PPRC1: variants seen among roughly 807,000 people sequenced by gnomAD.
PPRC1 encodes PPARG related coactivator 1, also known as peroxisome proliferator-activated receptor gamma coactivator-related protein 1.
In PPRC1, 23 loss-of-function variants were observed where a neutral mutation model predicts 132.5. The ratio of observed to expected loss-of-function variants is 0.17; its 90% CI spans 0.12 to 0.25. PPRC1 has a LOEUF of 0.25. Ranked by LOEUF, PPRC1 falls within the 10% of genes least tolerant of loss-of-function variation. The pLI is 1.00. For synonymous variants in PPRC1, 872 were observed against 833.5 expected, an observed-to-expected ratio of 1.05 and a Z score of -0.80; for missense variants, 2,006 against 2,089.1, an observed-to-expected ratio of 0.96 and a Z score of 0.78.
chr10:102,140,309 C>G lies in PPRC1; in HGVS notation c.1801C>G (p.Leu601Val), dbSNP rs770624068. The change falls in exon 5 of 14, where the codon CTA becomes GTA. Residue 601 changes from leucine to valine, a missense_variant. By Grantham distance (32) the Leu-to-Val change is conservative. This residue lies in a region of PPRC1 where 1,914 missense variants were observed against 1,917.2 expected (regional missense o/e 1.00). Coordinates refer to ENST00000278070, the MANE Select transcript of PPRC1 (RefSeq NM_015062.5). ...EADPTAVGPVLAGPVPVDPGL... is the reference protein window; with the variant it reads ...EADPTAVGPVVAGPVPVDPGL... Reference sequence around the variant, plus strand: ...TGATCCCACTGCAGTTGGCCCTGTTCTAGCTGGCCCTGTACCTGTTGACCC... The same window carrying G: ...TGATCCCACTGCAGTTGGCCCTGTTGTAGCTGGCCCTGTACCTGTTGACCC... 3 of 1,614,190 alleles carry G rather than the reference C, an allele frequency of 1.9e-6. No homozygotes were observed. The highest frequency in any genetic ancestry group is 1.7e-6 in the Non-Finnish European group (2 of 1,180,004).
rs1485873961 is a variant in PPRC1 at position 102,148,685 on chromosome 10, G to A, written c.4608G>A (p.Glu1536=). 1.2e-6 allele frequency: 2 copies of A among 1,614,216 alleles called. No individual in the cohort carries two copies. The highest frequency in any genetic ancestry group is 3.3e-5 in the Admixed American group (2 of 60,032). ...HYQRQRVLQK[E]RAIEERRVVF... is the part of the protein sequence containing the mutation. Reference sequence around the variant, plus strand: ...AAAGGCAAAGAGTGCTACAAAAGGAGCGTGCAATAGTGAGTAGAGGAACAG... The same window carrying A: ...AAAGGCAAAGAGTGCTACAAAAGGAACGTGCAATAGTGAGTAGAGGAACAG... The change falls in exon 11 of 14, where the codon GAG becomes GAA. Residue 1536 remains glutamate, a synonymous_variant. Transcript: ENST00000278070. This position sits in a 1 kb window ranked among gnomAD's most constrained non-coding sequence, Gnocchi z 4.2.
At chr10:102,135,374 T>A (rs553327280) in intron 1 of PPRC1, among the ~76,000 whole-genome samples, 3 of 152,076 alleles carry the variant, frequency 2.0e-5, no homozygotes, top group East Asian at 3.9e-4. Context: ...ATATATATAT[T>A]TTGTTGTTTT....
At chr10:102,134,053 G>T (rs1334806003) in intron 1 of PPRC1, among the ~76,000 whole-genome samples, 2 of 152,026 alleles carry the variant, frequency 1.3e-5, no homozygotes, top group African/African-American at 4.8e-5. Context: ...GCTTCCGTCT[G>T]ACCGGCTTGG....
intron 8 of PPRC1, 28 bp from the exon 9 acceptor site, chr10:102,146,644 C>G (rs771312660): frequency 1.3e-6 from 2 of 1,579,820 alleles, no homozygotes; most frequent in Non-Finnish European, 1.7e-6. Flanking sequence ...TCTCATCCTG[C>G]TATCTCCATC....
intron 7 of PPRC1, 91 bp from the exon 8 acceptor site, chr10:102,144,929 C>A: frequency 1.9e-6 from 2 of 1,042,196 alleles, no homozygotes; most frequent in Admixed American, 2.0e-5. Context: ...CTTCTCTGCA[C>A]CCACCCCCTC....
intron 7 of PPRC1, 177 bp from the exon 8 acceptor site, chr10:102,144,843 G>A: frequency 3.3e-6 from 2 of 609,518 alleles, no homozygotes; most frequent in South Asian, 4.1e-5. Context: ...GCTCAGTTGA[G>A]ATCCAATTTG....
chr10:102,137,414 G>A (rs2133614215), intron 1 of PPRC1, among the ~76,000 whole-genome samples: 1 of 152,234 alleles, frequency 6.6e-6, no homozygotes, highest in Admixed American at 6.5e-5. Context: ...TCTTGAAGAA[G>A]GTAGGATTTG....
At chr10:102,133,806 C>T (rs1443606051) in intron 1 of PPRC1, among the ~76,000 whole-genome samples, 1 of 151,908 alleles carries the variant, frequency 6.6e-6, no homozygotes, top group East Asian at 1.9e-4. Flanking sequence ...GTCCCGCCAT[C>T]TCCTGCCGGG....
chr10:102,134,820 C>G (rs1158946356), intron 1 of PPRC1, among the ~76,000 whole-genome samples: 1 of 152,186 alleles, frequency 6.6e-6, no homozygotes, highest in Non-Finnish European at 1.5e-5. Context: ...CACACCTGAC[C>G]TCACCCATCA....
In PPRC1 at chr10:102,141,780, C is replaced by T; in HGVS notation, c.3272C>T (p.Thr1091Ile). 1.2e-6 allele frequency: 2 copies of T among 1,613,884 alleles called. No individual in the cohort carries two copies. The highest frequency in any genetic ancestry group is 1.7e-6 in the Non-Finnish European group (2 of 1,179,882). ...GCATGTGTGTCTGCTGAAGGTGTGA[C>T]TGTTGAGGAGCCTGCATCAGAGAGG... ...ALACVSAEGV[T>I]VEEPASERLK... Residue 1091 changes from threonine (T) to isoleucine (I), a missense_variant, in exon 5 of 14, where the codon ACT becomes ATT. Physicochemically the swap from Thr to Ile is moderately conservative, Grantham distance 89. This residue lies in a region of PPRC1 where 1,914 missense variants were observed against 1,917.2 expected (regional missense o/e 1.00). Coordinates refer to ENST00000278070, the MANE Select transcript of PPRC1 (RefSeq NM_015062.5).
the PPRC1 span, chr10:102,120,118 T>C: frequency 7.4e-7 from 1 of 1,347,862 alleles, no homozygotes. Flanking sequence ...CATCTTCACA[T>C]CGCCCGCCTC....
chr10:102,127,055 A>T, the PPRC1 span, among the ~76,000 whole-genome samples: 1 of 59,896 alleles, frequency 1.7e-5, no homozygotes, highest in African/African-American at 3.7e-5. Flanking sequence ...ATATATATAT[A>T]TATATATATA....
At chr10:102,142,309 G>T in intron 5 of PPRC1, among the ~76,000 whole-genome samples, 1 of 148,580 alleles carries the variant, frequency 6.7e-6, no homozygotes, top group Non-Finnish European at 1.5e-5. Flanking sequence ...CACTATGTTG[G>T]CCAGGTTGGT....
chr10:102,139,436 C>T lies in PPRC1; in HGVS notation c.928C>T (p.Arg310Trp), dbSNP rs1479759686. 11 of 1,613,916 alleles carry T rather than the reference C, an allele frequency of 6.8e-6. No individual in the cohort carries two copies. The highest frequency in any genetic ancestry group is 2.7e-5 in the African/African-American group (2 of 74,918). The change falls in exon 5 of 14, where the codon CGG (arginine) becomes TGG (tryptophan). Residue 310 changes from arginine (R) to tryptophan (W), a missense_variant. Transcript: ENST00000278070. ...CATCTCCTCCCTGAGTGAGCTGGTG[C>T]GGGCCATGCACCCATACTGCCTGCC... is the stretch of plus-strand genomic sequence containing the variant. ...ESISSLSELV[R>W]AMHPYCLPNL...
In PPRC1 at chr10:102,144,168, T is replaced by C; in HGVS notation, c.3551-82T>C. 2.2e-6 allele frequency: 3 copies of C among 1,384,570 alleles called. No individual in the cohort carries two copies. The East Asian group carries it at 6.9e-5, about 32-fold the overall frequency. 85.8% of individuals were successfully genotyped at this position (1,384,570 alleles called of 1,614,324 possible). On this transcript the variant is annotated intron_variant, in intron 6 of 13. Transcript: ENST00000278070. Reference sequence around the variant, plus strand: ...TGTAGGCAAAGTGGATTTTCCTCCTTTGGGTCTCAAAGCAAGCCCTTCTGT... The same window carrying C: ...TGTAGGCAAAGTGGATTTTCCTCCTCTGGGTCTCAAAGCAAGCCCTTCTGT...
In PPRC1 at chr10:102,148,099, C is replaced by G. The variant is rs2069343461; in HGVS notation, c.4401-273C>G. 6.6e-6 allele frequency among the ~76,000 whole-genome samples: 1 copy of G among 152,140 alleles called. No individual in the cohort carries two copies. Among genetic ancestry groups the G allele is most frequent in the Non-Finnish European group, 1.5e-5 (1 of 68,026 alleles). On this transcript the variant is annotated intron_variant, in intron 9 of 13. Coordinates refer to ENST00000278070, the MANE Select transcript of PPRC1 (RefSeq NM_015062.5). This position sits in a 1 kb window ranked among gnomAD's most constrained non-coding sequence, Gnocchi z 4.2. ...TCTCCATTTATTGTTCTTCCTCTTT[C>G]TGATTTGTTAAATATTTTTCAATTT...
rs764408527 is a variant in PPRC1 at position 102,148,545 on chromosome 10, C to T, written c.4550+24C>T. On this transcript the variant is annotated intron_variant, in intron 10 of 13. Transcript: ENST00000278070. This position sits in a 1 kb window ranked among gnomAD's most constrained non-coding sequence, Gnocchi z 4.2. ...CGGTGAGCATGTGTTCAGGGAGCGC[C>T]ATGCACCTGGGATGCAGGTGCCTAA... 25 of 1,612,138 alleles carry T rather than the reference C, an allele frequency of 1.6e-5. No homozygotes were observed. Among genetic ancestry groups the T allele is most frequent in the Non-Finnish European group, 8.5e-7 (1 of 1,178,290 alleles).
At chr10:102,145,292 C>T (rs1474820513) in intron 8 of PPRC1, among the ~76,000 whole-genome samples, 2 of 152,228 alleles carry the variant, frequency 1.3e-5, no homozygotes, top group Non-Finnish European at 2.9e-5. Context: ...ATGGGCTAGG[C>T]GCAGTGGCTC....
chr10:102,130,592 G>A (rs1219203145), upstream of PPRC1, among the ~76,000 whole-genome samples: 2 of 150,902 alleles, frequency 1.3e-5, no homozygotes, highest in African/African-American at 4.9e-5. Flanking sequence ...AAAATTAGCT[G>A]GGCGTGGTGG....
Sources: allele counts gnomAD v4.1 joint callset (sites outside exome capture counted in the v4.1 genomes callset), GRCh38; gene constraint gnomAD v4.1.1; regional missense constraint gnomAD v4.1.1; non-coding constraint Gnocchi (gnomAD v3.1); transcripts MANE v1.5; gene names NCBI Gene and HGNC (gene_info 2026-07-23, HGNC 2026-07-21).